The following MAP2K4 variants were observed in gnomAD, a reference collection of about 807,000 sequenced individuals.
MAP2K4 encodes the protein dual specificity mitogen-activated protein kinase kinase 4.
In MAP2K4, 4 loss-of-function variants were observed where a neutral mutation model predicts 48.5. The observed-to-expected ratio is 0.08, with a 90% CI of 0.04 to 0.19. The LOEUF (loss-of-function observed/expected upper bound fraction) is 0.19. MAP2K4 is among the 10% of genes least tolerant of loss of function. The probability of loss-of-function intolerance (pLI) is 1.00; values close to 1 mark genes in which losing one functional copy is unlikely to be tolerated. For synonymous variants in MAP2K4, 166 were observed against 173.1 expected (o/e 0.96, Z 0.32); for missense variants, 258 against 493.3 (o/e 0.52, Z 4.52).
At chr17:12,038,414 T>C (rs947490683) in intron 1 of MAP2K4, among the ~76,000 whole-genome samples, 1 of 152,074 alleles carries the variant, frequency 6.6e-6, no homozygotes, top group Non-Finnish European at 1.5e-5. Context: ...GAAAGGAAAA[T>C]CAAGTGCGTA....
chr17:12,042,135 C>A (rs1377343774), intron 1 of MAP2K4, among the ~76,000 whole-genome samples: 1 of 114,826 alleles, frequency 8.7e-6, no homozygotes, highest in African/African-American at 3.3e-5. Flanking sequence ...GAACCGAGAT[C>A]GTGCCTGGGC....
At chr17:12,087,786 T>C (rs186162220) in intron 3 of MAP2K4, among the ~76,000 whole-genome samples, 2 of 152,204 alleles carry the variant, frequency 1.3e-5, no homozygotes, top group Admixed American at 6.5e-5. Flanking sequence ...CAGACACTTA[T>C]TTTTTCACAG....
chr17:12,048,060 A>T (rs1283885096), intron 1 of MAP2K4, among the ~76,000 whole-genome samples: 1 of 151,712 alleles, frequency 6.6e-6, no homozygotes, highest in Non-Finnish European at 1.5e-5. Flanking sequence ...TTGAGACAGG[A>T]TCTCACTATG....
intron 2 of MAP2K4, among the ~76,000 whole-genome samples, chr17:12,065,959 A>G (rs1970604933): frequency 6.6e-6 from 1 of 152,310 alleles, no homozygotes; most frequent in Admixed American, 6.5e-5. Context: ...TGTTTGAAAG[A>G]ACCCTAGAGT....
intron 3 of MAP2K4, among the ~76,000 whole-genome samples, chr17:12,090,437 G>T (rs900950322): frequency 1.3e-5 from 2 of 152,148 alleles, no homozygotes; most frequent in Non-Finnish European, 2.9e-5. Flanking sequence ...ACCACTATCA[G>T]AATCAGCCAG....
At position 12,143,049 on chromosome 17, in the gene MAP2K4, A is replaced by G. The variant is rs1973422485; in HGVS notation, c.*1789A>G. On this transcript the variant is annotated 3_prime_UTR_variant, in exon 11 of 11. Transcript: ENST00000353533. The stretch of plus-strand genomic sequence containing the variant: ...GAATTCAAAAGTGATTATCTCTTTG[A>G]TCTACTTGCCTCATTTCCCTATCTT... The G allele has an allele frequency of 4.3e-6, 1 of 232,944 alleles. No individual in the cohort carries two copies. The highest frequency in any genetic ancestry group is 1.8e-4 in the South Asian group (1 of 5,534). 14.4% of individuals were successfully genotyped at this position (232,944 alleles called of 1,614,324 possible).
intron 1 of MAP2K4, among the ~76,000 whole-genome samples, chr17:12,046,531 A>G (rs1969969823): frequency 6.6e-6 from 1 of 152,160 alleles, no homozygotes; most frequent in African/African-American, 2.4e-5. Flanking sequence ...TGTTGGTAGT[A>G]GACATCTGGC....
Position 12,085,379 on chromosome 17 carries a change from G to T in MAP2K4, c.393+3849G>T, listed in dbSNP as rs1346849728. ...TGTGTCATGTTAAATTTGTCATTGT[G>T]GATCATTATGATGACTTTTCAGTCT... is the stretch of plus-strand genomic sequence containing the variant. On this transcript the variant is annotated intron_variant, in intron 3 of 10. Coordinates refer to ENST00000353533, the MANE Select transcript of MAP2K4 (RefSeq NM_003010.4). Among the ~76,000 whole-genome samples the T allele has an allele frequency of 3.3e-5, 5 of 151,674 alleles. No homozygotes were observed. In the East Asian group the frequency reaches 7.9e-4, roughly 24 times the overall value.
intron 10 of MAP2K4, among the ~76,000 whole-genome samples, chr17:12,140,669 A>G (rs185057881): frequency 6.6e-6 from 1 of 152,256 alleles, no homozygotes; most frequent in African/African-American, 2.4e-5. Flanking sequence ...AAAAGGTCAA[A>G]AGAAGAGGTC....
intron 3 of MAP2K4, among the ~76,000 whole-genome samples, chr17:12,086,562 T>C (rs942315169): frequency 7.2e-5 from 11 of 152,126 alleles, no homozygotes; most frequent in African/African-American, 2.7e-4. Context: ...TCAGTACTGT[T>C]CGGGGTTATG....
Position 12,129,296 on chromosome 17 carries a change from C to G in MAP2K4, c.1040+9C>G. 1.2e-6 allele frequency: 2 copies of G among 1,614,178 alleles called. No individual in the cohort carries two copies. The highest frequency in any genetic ancestry group is 1.7e-6 in the Non-Finnish European group (2 of 1,180,012). On this transcript the variant is annotated intron_variant, in intron 9 of 10. Transcript: ENST00000353533. ...AACTTTGTCAACTTGTGGTGAGTAC[C>G]TGATTTATGAATGGTCGAACACGCA...
rs555796019 is a variant in MAP2K4 at position 12,055,952 on chromosome 17, T to G, written c.218+961T>G. ...ATTAGACTGGTGTTCATAATCACAC[T>G]TCTTGTCAGAGCTCAGCCTAGAGTC... On this transcript the variant is annotated intron_variant, in intron 2 of 10. Transcript: ENST00000353533. Among the ~76,000 whole-genome samples the G allele has an allele frequency of 2.0e-5, 3 of 152,232 alleles. No homozygotes were observed. In the South Asian group the frequency reaches 6.2e-4, roughly 32 times the overall value.
intron 1 of MAP2K4, among the ~76,000 whole-genome samples, chr17:12,049,923 G>T (rs2151522402): frequency 6.6e-6 from 1 of 152,244 alleles, no homozygotes; most frequent in Middle Eastern, 3.4e-3. Flanking sequence ...TATCAAAAAG[G>T]TTATACTCTA....
At chr17:12,124,930 C>T in intron 7 of MAP2K4, 1 of 202,108 alleles carries the variant, frequency 4.9e-6, no homozygotes, top group Non-Finnish European at 1.0e-5. Context: ...CCGCTTCGGC[C>T]TCCCAAAGTG....
At chr17:12,133,612 T>G (rs1973108366) in intron 9 of MAP2K4, among the ~76,000 whole-genome samples, 1 of 152,218 alleles carries the variant, frequency 6.6e-6, no homozygotes, top group Non-Finnish European at 1.5e-5. Context: ...TGGAATTTTT[T>G]TTAGGGGAAA....
In MAP2K4 at chr17:12,125,127, T is replaced by G. The variant is rs1972815468; in HGVS notation, c.814-167T>G. The G allele has an allele frequency of 1.7e-5, 10 of 588,624 alleles. No individual in the cohort carries two copies. In the South Asian group the frequency reaches 2.1e-4, roughly 12 times the overall value. 36.5% of individuals were successfully genotyped at this position (588,624 alleles called of 1,614,324 possible). On this transcript the variant is annotated intron_variant, in intron 7 of 10. Coordinates refer to ENST00000353533, the MANE Select transcript of MAP2K4 (RefSeq NM_003010.4). The stretch of plus-strand genomic sequence containing the variant: ...GAAGTAGCCATTAAGTTTTTTGTTG[T>G]TTGTTTTTATGATAATGATGACTTC...
At chr17:12,078,978 G>A (rs1047526713) in intron 2 of MAP2K4, among the ~76,000 whole-genome samples, 1 of 152,166 alleles carries the variant, frequency 6.6e-6, no homozygotes, top group Non-Finnish European at 1.5e-5. Flanking sequence ...TGTCATAACT[G>A]TGGCATGTTT....
intron 1 of MAP2K4, among the ~76,000 whole-genome samples, chr17:12,046,919 A>C (rs950633880): frequency 2.6e-5 from 4 of 152,108 alleles, no homozygotes; most frequent in African/African-American, 9.7e-5. Context: ...TTTGTTAACC[A>C]AAGAAGGACT....
chr17:12,097,947 A>G (rs956118903), intron 4 of MAP2K4, among the ~76,000 whole-genome samples: 1 of 152,234 alleles, frequency 6.6e-6, no homozygotes, highest in Admixed American at 6.5e-5. Flanking sequence ...ACCTAAGTAG[A>G]TGAAACATGA....
Sources: allele counts gnomAD v4.1 joint callset (sites outside exome capture counted in the v4.1 genomes callset), GRCh38; gene constraint gnomAD v4.1.1; transcripts MANE v1.5; gene names NCBI Gene and HGNC (gene_info 2026-07-23, HGNC 2026-07-21).